The following RIMBP2 variants were observed in gnomAD, a reference collection of about 807,000 sequenced individuals.
RIMBP2 encodes RIMS binding protein 2.
RIMBP2 carries 48 observed loss-of-function variants against 118.6 expected under a neutral mutation model. The ratio of observed to expected loss-of-function variants is 0.40; its 90% CI spans 0.32 to 0.51. The LOEUF is 0.51. Among genes scored for constraint, RIMBP2 ranks in the 20% least tolerant of loss-of-function variants. RIMBP2 has a pLI of 0.41. For synonymous variants in RIMBP2, 762 were observed against 742.9 expected, an observed-to-expected ratio of 1.03 and a Z score of -0.42; for missense variants, 1,551 against 1,768.3, an observed-to-expected ratio of 0.88 and a Z score of 2.20.
intron 4 of RIMBP2, among the ~76,000 whole-genome samples, chr12:130,500,887 G>A (rs770432433): frequency 1.3e-5 from 2 of 152,060 alleles, no homozygotes; most frequent in African/African-American, 4.8e-5. Context: ...CAAGTGAGCC[G>A]CTTCTATCAC....
chr12:130,655,289 G>C (rs1348657728), intron 1 of RIMBP2, among the ~76,000 whole-genome samples: 1 of 152,198 alleles, frequency 6.6e-6, no homozygotes, highest in Admixed American at 6.5e-5. Context: ...TCTTGCTGCT[G>C]TCTGAAATTA....
At chr12:130,481,419 G>A (rs1485765422) in intron 4 of RIMBP2, among the ~76,000 whole-genome samples, 2 of 152,068 alleles carry the variant, frequency 1.3e-5, no homozygotes, top group African/African-American at 2.4e-5. Context: ...TCTTCCTCCC[G>A]GCCCGTGTTT....
At chr12:130,409,970 G>A (rs868630591) in intron 19 of RIMBP2, among the ~76,000 whole-genome samples, 1 of 152,198 alleles carries the variant, frequency 6.6e-6, no homozygotes, top group Non-Finnish European at 1.5e-5. Flanking sequence ...AGAAACCAGC[G>A]AACTGTTTTG....
chr12:130,654,069 G>T (rs1245687161), intron 1 of RIMBP2, among the ~76,000 whole-genome samples: 1 of 152,174 alleles, frequency 6.6e-6, no homozygotes, highest in Non-Finnish European at 1.5e-5. Flanking sequence ...TTTTAGTCAT[G>T]CTAGTTTCTC....
chr12:130,606,806 G>A (rs745858210), intron 2 of RIMBP2, among the ~76,000 whole-genome samples: 13 of 152,168 alleles, frequency 8.5e-5, no homozygotes, highest in Non-Finnish European at 1.5e-4. Context: ...TCTCCAGGCC[G>A]CAACAGTCCG....
Position 130,442,195 on chromosome 12 carries a change from T to C in RIMBP2, c.1157A>G (p.Gln386Arg). The C allele has an allele frequency of 6.2e-7, 1 of 1,614,206 alleles. No individual in the cohort carries two copies. Among genetic ancestry groups the C allele is most frequent in the East Asian group, 2.2e-5 (1 of 44,860 alleles). Residue 386 changes from glutamine to arginine, a missense_variant, in exon 11 of 23, where the codon CAG becomes CGG. By Grantham distance (43) the Gln-to-Arg change is conservative (BLOSUM62 1). Coordinates refer to ENST00000690449, the MANE Select transcript of RIMBP2 (RefSeq NM_001393629.1). This position sits in a 1 kb window ranked among gnomAD's most constrained non-coding sequence, Gnocchi z 6.9. ...CGAGCTGCCCCTGCTGGTGACGCAC[T>C]GCACGGAGATGCGGTAGGTGCAGGC... ...MAACTYRISVQCVTSRGSSDE... is the reference protein window; with the variant it reads ...MAACTYRISVRCVTSRGSSDE...
intron 2 of RIMBP2, among the ~76,000 whole-genome samples, chr12:130,542,622 C>T (rs2054718596): frequency 1.3e-5 from 2 of 152,170 alleles, no homozygotes; most frequent in South Asian, 4.1e-4. Flanking sequence ...ATTTGCTCTG[C>T]ATGACAATAC....
intron 1 of RIMBP2, among the ~76,000 whole-genome samples, chr12:130,661,010 G>A (rs1366146796): frequency 2.0e-5 from 3 of 152,236 alleles, no homozygotes; most frequent in Non-Finnish European, 2.9e-5. Context: ...CTTGAGCCCA[G>A]GAGTTCAAGA....
chr12:130,609,747 G>T (rs2060396964), intron 2 of RIMBP2, among the ~76,000 whole-genome samples: 1 of 152,192 alleles, frequency 6.6e-6, no homozygotes, highest in African/African-American at 2.4e-5. Flanking sequence ...ATCGCTCCCA[G>T]CCCAGGGCTG....
At chr12:130,399,040 T>TTAAG in intron 22 of RIMBP2, 1 of 733,638 alleles carries the variant, frequency 1.4e-6, no homozygotes, top group African/African-American at 1.8e-5. Context: ...CAATGAAGCC[T>TTAAG]TAAGTCTACC....
intron 2 of RIMBP2, among the ~76,000 whole-genome samples, chr12:130,606,501 G>A (rs1286754921): frequency 1.3e-5 from 2 of 152,244 alleles, no homozygotes; most frequent in African/African-American, 4.8e-5. Flanking sequence ...CGCTGTGGAG[G>A]CGGGGAGGAG....
intron 7 of RIMBP2, among the ~76,000 whole-genome samples, chr12:130,454,575 T>C (rs894662798): frequency 2.6e-5 from 4 of 152,258 alleles, no homozygotes; most frequent in African/African-American, 9.6e-5. Context: ...TGTGATTAAA[T>C]GAACTGGATT....
intron 4 of RIMBP2, 141 bp from the exon 5 acceptor site, chr12:130,479,157 C>T: frequency 3.6e-6 from 2 of 563,366 alleles, no homozygotes; most frequent in South Asian, 2.9e-5. Flanking sequence ...CACCCACCTC[C>T]GTGCTGCCAA....
intron 2 of RIMBP2, among the ~76,000 whole-genome samples, chr12:130,518,746 ATAAG>A (rs1472955694): frequency 1.3e-5 from 2 of 152,194 alleles, no homozygotes; most frequent in Non-Finnish European, 2.9e-5. Context: ...GTAACTACAA[ATAAG>A]TAAGACAGGG....
At chr12:130,538,360 C>T (rs142925123) in intron 2 of RIMBP2, among the ~76,000 whole-genome samples, 5 of 151,976 alleles carry the variant, frequency 3.3e-5, no homozygotes, top group South Asian at 2.1e-4. Context: ...TAGCCGTAAA[C>T]GTCCGTATGT....
In RIMBP2 at chr12:130,713,268, A is replaced by C. The variant is rs77341857; in HGVS notation, c.-352+2954T>G. Among the ~76,000 whole-genome samples, 824 of 126,602 alleles carry C rather than the reference A, an allele frequency of 6.5e-3. 11 individuals carry two copies. Among genetic ancestry groups the C allele is most frequent in the Admixed American group, 0.018 (238 of 12,956 alleles). 83.1% of individuals were successfully genotyped at this position (126,602 alleles called of 152,430 possible). ...AAGGAAGGAAGGAAGGAAGGAAGGA[A>C]GGAAGGACTGAGGAGTATGGTTCAG... On this transcript the variant is annotated intron_variant, in intron 1 of 22. Transcript: ENST00000690449.
At position 130,511,824 on chromosome 12, in the gene RIMBP2, T is replaced by C. The variant is rs2050941655; in HGVS notation, c.-126-5054A>G. Among the ~76,000 whole-genome samples, 1 of 152,016 alleles carries C rather than the reference T, an allele frequency of 6.6e-6. No homozygotes were observed. The highest frequency in any genetic ancestry group is 2.4e-5 in the African/African-American group (1 of 41,404). On this transcript the variant is annotated intron_variant, in intron 3 of 22. Transcript: ENST00000690449. This position sits in a 1 kb window ranked among gnomAD's most constrained non-coding sequence, Gnocchi z 4.3. ...CGAGATGGAATACCACCTGTCTCGG[T>C]GTCAAGGAAGCCACCCTCCACACAC...
intron 2 of RIMBP2, among the ~76,000 whole-genome samples, chr12:130,526,374 G>A (rs1172601838): frequency 1.3e-5 from 2 of 152,202 alleles, no homozygotes; most frequent in Admixed American, 6.5e-5. Flanking sequence ...TGTGCTCGAT[G>A]AAAGCCAGAT....
intron 1 of RIMBP2, among the ~76,000 whole-genome samples, chr12:130,672,681 C>G (rs6486567): frequency 0.98 from 149,423 of 152,296 alleles, 73,363 homozygotes; most frequent in East Asian, 1. Context: ...AGGGAGGTAG[C>G]AGCTTTGGGG....
Sources: gnomAD v4.1 joint callset for allele counts (sites outside exome capture counted in the v4.1 genomes callset) on GRCh38, gnomAD v4.1.1 for gene constraint, Gnocchi (gnomAD v3.1) non-coding constraint, MANE v1.5 for transcripts, NCBI Gene and HGNC (gene_info 2026-07-23, HGNC 2026-07-21) for gene names.